The following CACHD1 variants were observed in gnomAD, a reference collection of about 807,000 sequenced individuals.
CACHD1 encodes cache domain containing 1, also known as VWFA and cache domain-containing protein 1.
CACHD1 carries 71 observed loss-of-function variants against 138.7 expected under a neutral mutation model. The observed-to-expected ratio is 0.51, with a 90% CI of 0.42 to 0.62. The LOEUF (loss-of-function observed/expected upper bound fraction) is 0.62. CACHD1 is among the 20% of genes least tolerant of loss of function. CACHD1 has a pLI of 0.00. For synonymous variants in CACHD1, 578 were observed against 591.5 expected (o/e 0.98, Z 0.33); for missense variants, 1,389 against 1,625.3 (o/e 0.85, Z 2.50).
intron 4 of CACHD1, among the ~76,000 whole-genome samples, chr1:64,612,173 G>A (rs1455132300): frequency 6.6e-6 from 1 of 152,126 alleles, no homozygotes; most frequent in African/African-American, 2.4e-5. Context: ...TTCAAGATGA[G>A]GTTTGGGTGG....
chr1:64,594,214 A>G (rs1647131167), intron 3 of CACHD1, among the ~76,000 whole-genome samples: 1 of 150,208 alleles, frequency 6.7e-6, no homozygotes. Flanking sequence ...AGATCGTGCC[A>G]TTGCACTCCA....
rs57123653 is a variant in CACHD1 at position 64,544,050 on chromosome 1, G to A, written c.199-6544G>A. Among the ~76,000 whole-genome samples, 568 of 152,002 alleles carry A rather than the reference G, an allele frequency of 3.7e-3. 5 individuals are homozygous for A. The highest frequency in any genetic ancestry group is 0.013 in the African/African-American group (545 of 41,482). ...GTCTTTTAGGGGTTAGTGTTGGTCAGCCTCTTGCGATAACAGTGGTGATCT... is the reference window on the plus strand; with the variant it reads ...GTCTTTTAGGGGTTAGTGTTGGTCAACCTCTTGCGATAACAGTGGTGATCT... On this transcript the variant is annotated intron_variant, in intron 1 of 26. Transcript: ENST00000651257.
Position 64,537,264 on chromosome 1 carries a change from GAAA to G in CACHD1, c.199-13320_199-13318del, listed in dbSNP as rs35844892. On this transcript the variant is annotated intron_variant, in intron 1 of 26. Coordinates refer to ENST00000651257, the MANE Select transcript of CACHD1 (RefSeq NM_020925.4). ...CCCAGTACTTATGCTGCCCTGCCCA[GAAA>G]AAAAAAAAATTGTTTGTTGAGCGGT... Among the ~76,000 whole-genome samples the G allele has an allele frequency of 1.9e-3, 292 of 151,024 alleles. 3 individuals carry two copies. The highest frequency in any genetic ancestry group is 6.9e-3 in the African/African-American group (280 of 40,860).
intron 9 of CACHD1, among the ~76,000 whole-genome samples, chr1:64,649,956 T>A (rs774169370): frequency 6.6e-6 from 1 of 152,226 alleles, no homozygotes; most frequent in Non-Finnish European, 1.5e-5. Context: ...TCTGACTCCA[T>A]GACATGAGGC....
chr1:64,626,264 G>A (rs772061235), intron 4 of CACHD1, among the ~76,000 whole-genome samples: 5 of 152,210 alleles, frequency 3.3e-5, no homozygotes, highest in East Asian at 1.9e-4. Flanking sequence ...AAATAAAGAC[G>A]AAACTGGCAT....
Position 64,673,351 on chromosome 1 carries a change from C to G in CACHD1, c.2614C>G (p.Pro872Ala), listed in dbSNP as rs1201108880. 6.2e-7 allele frequency: 1 copy of G among 1,613,886 alleles called. No homozygotes were observed. The highest frequency in any genetic ancestry group is 8.5e-7 in the Non-Finnish European group (1 of 1,179,816). Reference sequence around the variant, plus strand: ...CTGTTCTCTTTGGCCTTGGTAGGAGCCCCTGGTAGCAAATGATATCCTCAA... The same window carrying G: ...CTGTTCTCTTTGGCCTTGGTAGGAGGCCCTGGTAGCAAATGATATCCTCAA... The part of the protein sequence containing the change: ...VEQQHITHKE[P>A]LVANDILNHP... Residue 872 changes from proline to alanine, a missense_variant, in exon 19 of 27, where the codon CCC (proline) becomes GCC (alanine). This residue lies in a region of CACHD1 where 1,000 missense variants were observed against 1,114.7 expected (regional missense o/e 0.90). Transcript: ENST00000651257.
At chr1:64,565,449 C>G (rs1646874280) in intron 2 of CACHD1, among the ~76,000 whole-genome samples, 4 of 152,176 alleles carry the variant, frequency 2.6e-5, no homozygotes, top group Admixed American at 2.6e-4. Context: ...GCTGTTCTGT[C>G]CAACCAGAGC....
rs186216131 is a variant in CACHD1, at chr1:64,552,284, C to T, written c.261+1628C>T. ...CTTATGGAACATCAGGGCTAGGCAA[C>T]TTCCATGTATATCACATTGATTTTT... On this transcript the variant is annotated intron_variant, in intron 2 of 26. Coordinates refer to ENST00000651257, the MANE Select transcript of CACHD1 (RefSeq NM_020925.4). Among the ~76,000 whole-genome samples, 370 of 152,204 alleles carry T rather than the reference C, an allele frequency of 2.4e-3. 2 individuals carry two copies. Among genetic ancestry groups the T allele is most frequent in the African/African-American group, 8.5e-3 (354 of 41,504 alleles).
At chr1:64,503,053 C>G (rs1557464523) in intron 1 of CACHD1, among the ~76,000 whole-genome samples, 1 of 152,108 alleles carries the variant, frequency 6.6e-6, no homozygotes, top group East Asian at 1.9e-4. Flanking sequence ...TAGAGCCGAA[C>G]TTTTTTTTGT....
chr1:64,549,861 A>G (rs759455289), intron 1 of CACHD1, among the ~76,000 whole-genome samples: 18 of 146,116 alleles, frequency 1.2e-4, no homozygotes, highest in Non-Finnish European at 2.4e-4. Flanking sequence ...AGTTTGTTAT[A>G]TGTTAATCTC....
At chr1:64,539,999 C>T (rs2100425087) in intron 1 of CACHD1, among the ~76,000 whole-genome samples, 1 of 152,216 alleles carries the variant, frequency 6.6e-6, no homozygotes, top group East Asian at 1.9e-4. Flanking sequence ...GGGTGAGTTT[C>T]TTAAGGGTAT....
At chr1:64,632,493 AAC>A in intron 5 of CACHD1, 104 bp from the exon 6 acceptor site, 1 of 1,163,204 alleles carries the variant, frequency 8.6e-7, no homozygotes. Flanking sequence ...TCCCTGGGAG[AAC>A]ACAGAGACCA....
chr1:64,497,386 C>T (rs1311969418), intron 1 of CACHD1, among the ~76,000 whole-genome samples: 1 of 152,146 alleles, frequency 6.6e-6, no homozygotes, highest in Non-Finnish European at 1.5e-5. Context: ...GAAATAAAGA[C>T]AGTCCTTCCT....
intron 26 of CACHD1, among the ~76,000 whole-genome samples, chr1:64,686,204 G>A (rs970266914): frequency 5.1e-4 from 78 of 152,150 alleles, no homozygotes; most frequent in African/African-American, 1.8e-3. Flanking sequence ...GTATTTCCAT[G>A]TGAATCCTTG....
intron 4 of CACHD1, among the ~76,000 whole-genome samples, chr1:64,604,176 CTGAAAAGA>C (rs1553137864): frequency 9.9e-5 from 15 of 152,228 alleles, no homozygotes; most frequent in Non-Finnish European, 1.8e-4. Context: ...TCTATTAGGT[CTGAAAAGA>C]ATAAGCTGTA....
At chr1:64,580,589 A>G (rs1428178103) in intron 2 of CACHD1, among the ~76,000 whole-genome samples, 1 of 152,210 alleles carries the variant, frequency 6.6e-6, no homozygotes, top group Non-Finnish European at 1.5e-5. Context: ...GGTTATATTA[A>G]TATCCTTAAT....
chr1:64,691,372 C>A lies in CACHD1; in HGVS notation c.3636C>A (p.Asn1212Lys), dbSNP rs754257037. ...AGGACAGTGAAAATCCTCCATGCAACAATGACCCCTTGTCAGCCGGGGTCG... is the reference window on the plus strand; with the variant it reads ...AGGACAGTGAAAATCCTCCATGCAAAAATGACCCCTTGTCAGCCGGGGTCG... ...PQEDSENPPC[N>K]NDPLSAGVDV... is the part of the protein sequence containing the mutation. Residue 1212 changes from asparagine (N) to lysine (K), a missense_variant, in exon 27 of 27, where the codon AAC (asparagine) becomes AAA (lysine). Physicochemically the swap from Asn to Lys is moderately conservative, Grantham distance 94 (BLOSUM62 0). Coordinates refer to ENST00000651257, the MANE Select transcript of CACHD1 (RefSeq NM_020925.4). The A allele has an allele frequency of 6.2e-7, 1 of 1,614,016 alleles. No individual in the cohort carries two copies. The highest frequency in any genetic ancestry group is 1.3e-5 in the African/African-American group (1 of 74,912).
chr1:64,620,608 A>G (rs991304020), intron 4 of CACHD1, among the ~76,000 whole-genome samples: 3 of 152,200 alleles, frequency 2.0e-5, no homozygotes, highest in South Asian at 2.1e-4. Flanking sequence ...TTCATCTCAC[A>G]TAACAGTTGT....
chr1:64,612,632 G>A (rs1311833993), intron 4 of CACHD1, among the ~76,000 whole-genome samples: 1 of 152,084 alleles, frequency 6.6e-6, no homozygotes. Flanking sequence ...AAACCTGGAA[G>A]CATTTGTTTA....
Sources: gnomAD v4.1 joint callset for allele counts (sites outside exome capture counted in the v4.1 genomes callset) on GRCh38, gnomAD v4.1.1 for gene constraint, gnomAD v4.1.1 regional missense constraint, MANE v1.5 for transcripts, NCBI Gene and HGNC (gene_info 2026-07-23, HGNC 2026-07-21) for gene names.